The following TMEM71 variants were observed in gnomAD, a reference collection of about 807,000 sequenced individuals.
The protein encoded by TMEM71 is transmembrane protein 71.
In TMEM71, 44 loss-of-function variants were observed where a neutral mutation model predicts 38.0. The ratio of observed to expected loss-of-function variants is 1.16; its 90% CI spans 0.91 to 1.49. The LOEUF (loss-of-function observed/expected upper bound fraction) is 1.49. TMEM71 is among the 40% of genes most tolerant of loss of function. The pLI is 0.00. For missense variants in TMEM71, 367 were observed against 348.6 expected (o/e 1.05, Z -0.42); for synonymous variants, 133 against 122.5 (o/e 1.09, Z -0.56).
At chr8:132,762,996 A>G (rs779400035), upstream of TMEM71, among the ~76,000 whole-genome samples, 3 of 152,090 alleles carry the variant, frequency 2.0e-5, no homozygotes, top group African/African-American at 4.8e-5. Context: ...TCCCCTCTCA[A>G]TCTTCTCTCT....
At chr8:132,734,714 C>G (rs1056641900) in intron 5 of TMEM71, among the ~76,000 whole-genome samples, 8 of 152,138 alleles carry the variant, frequency 5.3e-5, no homozygotes, top group Non-Finnish European at 8.8e-5. Context: ...CTCACTTTCC[C>G]TAATTGACAG....
chr8:132,707,343 G>A (rs910892233), downstream of TMEM71, among the ~76,000 whole-genome samples: 4 of 152,096 alleles, frequency 2.6e-5, no homozygotes, highest in Non-Finnish European at 5.9e-5. Flanking sequence ...GCAAGATTTC[G>A]TCTCTTTTTA....
chr8:132,754,042 T>C (rs1027388621), intron 3 of TMEM71, among the ~76,000 whole-genome samples: 6 of 152,338 alleles, frequency 3.9e-5, no homozygotes, highest in Middle Eastern at 3.4e-3. Flanking sequence ...TTAGCTATCA[T>C]AGTTTGATGG....
At chr8:132,765,039 A>G (rs917000772), upstream of TMEM71, among the ~76,000 whole-genome samples, 1 of 152,208 alleles carries the variant, frequency 6.6e-6, no homozygotes, top group Non-Finnish European at 1.5e-5. Context: ...GAAGCTAGCA[A>G]TTTTATCATA....
At chr8:132,718,394 T>G in intron 7 of TMEM71, among the ~76,000 whole-genome samples, 1 of 128,782 alleles carries the variant, frequency 7.8e-6, no homozygotes, top group African/African-American at 3.8e-5. Flanking sequence ...CCTGGGGATT[T>G]TCTCTTTTTT....
At chr8:132,775,138 T>A in the TMEM71 span, among the ~76,000 whole-genome samples, 1 of 152,122 alleles carries the variant, frequency 6.6e-6, no homozygotes, top group East Asian at 1.9e-4. Flanking sequence ...AACAATGCCC[T>A]TCGTCCTCAA....
chr8:132,751,921 T>C lies in TMEM71; in HGVS notation c.178A>G (p.Thr60Ala), dbSNP rs1266250028. 10 of 1,613,998 alleles carry C rather than the reference T, an allele frequency of 6.2e-6. No individual in the cohort carries two copies. Among genetic ancestry groups the C allele is most frequent in the Non-Finnish European group, 8.5e-6 (10 of 1,179,992 alleles). Residue 60 changes from threonine (T) to alanine (A), a missense_variant, in exon 4 of 10, where the codon ACC becomes GCC. Coordinates refer to ENST00000677595, the MANE Select transcript of TMEM71 (RefSeq NM_001382403.1). ...AGGAGTCTGGGACTTCGGCGACAGG[T>C]ATAGTGGGAGCCTGTCAGGGGATCT... The part of the protein sequence containing the change: ...SIDPLTGSHY[T>A]CRRSPRLLTN...
intron 6 of TMEM71, among the ~76,000 whole-genome samples, chr8:132,723,620 A>G (rs1012244884): frequency 1.3e-5 from 2 of 152,198 alleles, no homozygotes; most frequent in African/African-American, 2.4e-5. Flanking sequence ...TAAAAATTCT[A>G]TAATATTTCT....
chr8:132,724,317 C>G (rs529494928), intron 6 of TMEM71, among the ~76,000 whole-genome samples: 1 of 152,174 alleles, frequency 6.6e-6, no homozygotes, highest in Non-Finnish European at 1.5e-5. Context: ...CAGTCCTTAT[C>G]TCAACGGCAT....
At chr8:132,724,525 A>G (rs1827028368) in intron 6 of TMEM71, among the ~76,000 whole-genome samples, 1 of 152,142 alleles carries the variant, frequency 6.6e-6, no homozygotes, top group African/African-American at 2.4e-5. Flanking sequence ...GTCAGACTTT[A>G]TGGTTGTCTT....
At chr8:132,725,995 A>G (rs917034005) in intron 6 of TMEM71, among the ~76,000 whole-genome samples, 9 of 152,210 alleles carry the variant, frequency 5.9e-5, no homozygotes, top group Non-Finnish European at 8.8e-5. Context: ...TAATTGGTCC[A>G]CCAGTAATGA....
chr8:132,734,057 G>A (rs775325110), intron 5 of TMEM71, among the ~76,000 whole-genome samples: 39 of 152,028 alleles, frequency 2.6e-4, no homozygotes, highest in Non-Finnish European at 5.0e-4. Flanking sequence ...TCTCAGTTAC[G>A]CTGGAAGGAT....
chr8:132,771,095 A>G, the TMEM71 span, among the ~76,000 whole-genome samples: 15 of 152,222 alleles, frequency 9.9e-5, no homozygotes, highest in Non-Finnish European at 2.2e-4. Flanking sequence ...TAAATCAGAA[A>G]TGTGAAAATC....
At chr8:132,722,633 T>A (rs1287578132) in intron 6 of TMEM71, among the ~76,000 whole-genome samples, 3 of 152,194 alleles carry the variant, frequency 2.0e-5, no homozygotes, top group African/African-American at 7.2e-5. Flanking sequence ...AGCTATGAGG[T>A]GTCACAGCCA....
chr8:132,725,207 T>C (rs1827076437), intron 6 of TMEM71, among the ~76,000 whole-genome samples: 1 of 152,112 alleles, frequency 6.6e-6, no homozygotes, highest in African/African-American at 2.4e-5. Context: ...CCAGATAATT[T>C]TTTGTAGAAA....
chr8:132,775,748 G>A, the TMEM71 span: 2 of 261,924 alleles, frequency 7.6e-6, no homozygotes, highest in Admixed American at 5.8e-5. Context: ...CTCCCCTCCC[G>A]CCTCCCTCCC....
At chr8:132,733,818 T>C (rs1276641394) in intron 5 of TMEM71, among the ~76,000 whole-genome samples, 1 of 151,926 alleles carries the variant, frequency 6.6e-6, no homozygotes, top group Non-Finnish European at 1.5e-5. Context: ...TATTATTCAA[T>C]CTTAAAAAAA....
chr8:132,730,011 T>C (rs939672121), intron 5 of TMEM71, among the ~76,000 whole-genome samples: 1 of 151,242 alleles, frequency 6.6e-6, no homozygotes, highest in Non-Finnish European at 1.5e-5. Context: ...CAGGCTGGAG[T>C]GCAATGGCGC....
the TMEM71 span, among the ~76,000 whole-genome samples, chr8:132,766,628 T>C: frequency 2.0e-5 from 3 of 151,940 alleles, no homozygotes; most frequent in Middle Eastern, 3.4e-3. Context: ...GAGGAAACCT[T>C]GTCTCTACAA....
Sources: gnomAD v4.1 joint callset for allele counts (sites outside exome capture counted in the v4.1 genomes callset) on GRCh38, gnomAD v4.1.1 for gene constraint, MANE v1.5 for transcripts, NCBI Gene and HGNC (gene_info 2026-07-23, HGNC 2026-07-21) for gene names.